The following C5 variants were observed in gnomAD, a reference collection of about 807,000 sequenced individuals.
C5 encodes C3 and PZP-like alpha-2-macroglobulin domain-containing protein 4.
A neutral mutation model predicts 218.8 loss-of-function variants in C5; 140 were observed. That is an observed-to-expected ratio of 0.64 (90% CI 0.56 to 0.74). The LOEUF (loss-of-function observed/expected upper bound fraction) is 0.74, where lower values mean the gene tolerates loss of function less well. Among genes scored for constraint, C5 ranks in the 30% least tolerant of loss-of-function variants. The probability of loss-of-function intolerance (pLI) is 0.00; values close to 1 mark genes in which losing one functional copy is unlikely to be tolerated. For synonymous variants in C5, 614 were observed against 682.3 expected (o/e 0.90, Z 1.56); for missense variants, 1,700 against 1,969.6 (o/e 0.86, Z 2.59).
At chr9:121,026,139 A>AT (rs1163699607) in intron 8 of C5, among the ~76,000 whole-genome samples, 1 of 152,222 alleles carries the variant, frequency 6.6e-6, no homozygotes, top group East Asian at 1.9e-4. Context: ...CTAGCATAGA[A>AT]TTTTGCATTT....
At chr9:120,974,757 C>T (rs1484745119) in intron 30 of C5, 22 bp downstream of exon 30, 1 of 1,603,272 alleles carries the variant, frequency 6.2e-7, no homozygotes. Context: ...TTGTAAAATA[C>T]TACAGAAAGT....
intron 20 of C5, among the ~76,000 whole-genome samples, chr9:121,001,357 C>T (rs2047159847): frequency 6.6e-6 from 1 of 152,036 alleles, no homozygotes; most frequent in African/African-American, 2.4e-5. Flanking sequence ...TATAGGATAT[C>T]ATAGAATACA....
chr9:120,963,242 G>A (rs1326311051), intron 34 of C5, among the ~76,000 whole-genome samples: 4 of 152,130 alleles, frequency 2.6e-5, no homozygotes, highest in Non-Finnish European at 5.9e-5. Context: ...GGTGGCTCAC[G>A]CCTGTAATCC....
upstream of C5, among the ~76,000 whole-genome samples, chr9:121,052,210 T>A (rs563780580): frequency 6.6e-6 from 1 of 152,102 alleles, no homozygotes; most frequent in African/African-American, 2.4e-5. Flanking sequence ...TAATCCCAGA[T>A]CTTTGGGAGG....
chr9:121,020,948 T>C (rs1313956790), intron 11 of C5, among the ~76,000 whole-genome samples: 2 of 152,248 alleles, frequency 1.3e-5, no homozygotes, highest in East Asian at 3.8e-4. Context: ...AAGTGCTCAA[T>C]AGATGACAGT....
intron 9 of C5, 86 bp downstream of exon 9, chr9:121,025,368 A>C (rs2047410657): frequency 1.5e-6 from 2 of 1,320,974 alleles, no homozygotes; most frequent in East Asian, 5.5e-5. Context: ...TAGAAATTGG[A>C]AATTATTTAT....
intron 18 of C5, 116 bp downstream of exon 18, chr9:121,008,292 C>T: frequency 1.3e-6 from 1 of 762,794 alleles, no homozygotes; most frequent in Non-Finnish European, 2.3e-6. Flanking sequence ...GATCAAATTG[C>T]AGGATCATCT....
At chr9:120,978,153 G>A (rs546307775) in intron 28 of C5, among the ~76,000 whole-genome samples, 6 of 151,970 alleles carry the variant, frequency 3.9e-5, no homozygotes, top group South Asian at 2.1e-4. Flanking sequence ...AGACAATTTC[G>A]TACATGCAGC....
chr9:120,995,970 C>T (rs933015286), intron 22 of C5, among the ~76,000 whole-genome samples: 2 of 152,012 alleles, frequency 1.3e-5, no homozygotes, highest in African/African-American at 4.8e-5. Context: ...GGGTGCCCAC[C>T]ACCATGCCCA....
intron 2 of C5, among the ~76,000 whole-genome samples, chr9:121,043,700 C>CTTTTTTTTTTTTTTTT (rs34794535): frequency 8.3e-6 from 1 of 120,662 alleles, no homozygotes; most frequent in Non-Finnish European, 1.7e-5. Context: ...GTCCAGCTAA[C>CTTTTTTTTTTTTTTTT]TTTTTTTTTT....
intron 28 of C5, 64 bp downstream of exon 28, chr9:120,980,019 C>T (rs569209246): frequency 1.7e-5 from 26 of 1,488,100 alleles, no homozygotes; most frequent in Admixed American, 6.7e-5. Context: ...CACCCACTTC[C>T]CAGACTAGCA....
Position 121,025,534 on chromosome 9 carries a change from A to T in C5, c.920T>A (p.Val307Asp). 6.2e-7 allele frequency: 1 copy of T among 1,612,804 alleles called. No homozygotes were observed. Among genetic ancestry groups the T allele is most frequent in the East Asian group, 2.2e-5 (1 of 44,770 alleles). The change falls in exon 9 of 41, where the codon GTC becomes GAC. Residue 307 changes from valine (V) to aspartate (D), a missense_variant. Physicochemically the swap from Val to Asp is radical, Grantham distance 152. Coordinates refer to ENST00000223642, the MANE Select transcript of C5 (RefSeq NM_001735.3). ...AQVTFDSETA[V>D]KELSYYSLED... is the part of the protein sequence containing the mutation. ...TAAACTGTAGTATGACAGTTCTTTGACTGCTGTTTCAGAATCAAATGTGAC... is the reference window on the plus strand; with the variant it reads ...TAAACTGTAGTATGACAGTTCTTTGTCTGCTGTTTCAGAATCAAATGTGAC...
At chr9:121,033,245 C>T (rs547525844) in intron 5 of C5, among the ~76,000 whole-genome samples, 1 of 152,180 alleles carries the variant, frequency 6.6e-6, no homozygotes, top group African/African-American at 2.4e-5. Flanking sequence ...CAAGGCCCAC[C>T]TTAAAGAGTT....
rs2046837849 is a variant in C5, at chr9:120,962,913, C to T, written c.4378G>A (p.Val1460Ile). Residue 1460 changes from valine (V) to isoleucine (I), a missense_variant, in exon 35 of 41, where the codon GTT becomes ATT. Transcript: ENST00000223642. ...CTTACCGAATTCAGTTGCAGAATAA[C>T]ATGTCCATCTTTGATTTGGTAATCA... ...FTDYQIKDGH[V>I]ILQLNSIPSS... is the part of the protein sequence containing the mutation. 6.2e-7 allele frequency: 1 copy of T among 1,614,096 alleles called. No individual in the cohort carries two copies. The highest frequency in any genetic ancestry group is 1.3e-5 in the African/African-American group (1 of 75,052).
intron 23 of C5, among the ~76,000 whole-genome samples, chr9:120,990,220 T>G (rs1233591602): frequency 1.3e-5 from 2 of 152,224 alleles, no homozygotes; most frequent in Non-Finnish European, 1.5e-5. Flanking sequence ...GGGTTGCACA[T>G]GATCAAAAAG....
At chr9:120,983,235 C>T (rs964841723) in intron 25 of C5, among the ~76,000 whole-genome samples, 1 of 152,154 alleles carries the variant, frequency 6.6e-6, no homozygotes, top group Non-Finnish European at 1.5e-5. Context: ...GCCCCAAGTC[C>T]CCTTTCCCAA....
chr9:120,972,659 G>A (rs1336084281), intron 30 of C5, among the ~76,000 whole-genome samples: 1 of 152,192 alleles, frequency 6.6e-6, no homozygotes, highest in African/African-American at 2.4e-5. Context: ...CTCCTCTCCA[G>A]AGAAACTCTG....
chr9:120,988,781 G>C (rs1196955105), intron 25 of C5, among the ~76,000 whole-genome samples: 1 of 152,154 alleles, frequency 6.6e-6, no homozygotes, highest in African/African-American at 2.4e-5. Context: ...AGAAGACTAA[G>C]GGAGACTAGT....
At position 121,050,272 on chromosome 9, in the gene C5, A is replaced by AT; in HGVS notation, c.-27dup. The AT allele has an allele frequency of 6.4e-7, 1 of 1,571,370 alleles. No individual in the cohort carries two copies. Among genetic ancestry groups the AT allele is most frequent in the Non-Finnish European group, 8.8e-7 (1 of 1,140,926 alleles). On this transcript the variant is annotated 5_prime_UTR_variant, in exon 1 of 41. Transcript: ENST00000223642. ...GGTTGGAGGTAGCAGGAAACCACGGATATAACACTTTTGAGGATAGTCTCC... is the reference window on the plus strand; with the variant it reads ...GGTTGGAGGTAGCAGGAAACCACGGATTATAACACTTTTGAGGATAGTCTCC...
Sources: allele counts gnomAD v4.1 joint callset (sites outside exome capture counted in the v4.1 genomes callset), GRCh38; gene constraint gnomAD v4.1.1; transcripts MANE v1.5; gene names NCBI Gene and HGNC (gene_info 2026-07-23, HGNC 2026-07-21).